The following MRPS28 variants were observed in gnomAD, a reference collection of about 807,000 sequenced individuals.
MRPS28 encodes small ribosomal subunit protein bS1m.
In MRPS28, 7 loss-of-function variants were observed where a neutral mutation model predicts 10.8. The ratio of observed to expected loss-of-function variants is 0.65; its 90% confidence interval spans 0.37 to 1.22. The LOEUF is 1.22. MRPS28 is among the 50% of genes most tolerant of loss of function. MRPS28 has a pLI of 0.02. For synonymous variants in MRPS28, 121 were observed against 93.3 expected, an observed-to-expected ratio of 1.30 and a Z score of -1.71; for missense variants, 265 against 232.9, an observed-to-expected ratio of 1.14 and a Z score of -0.90.
intron 2 of MRPS28, among the ~76,000 whole-genome samples, chr8:79,940,568 G>C (rs1806740360): frequency 2.0e-5 from 3 of 152,196 alleles, no homozygotes; most frequent in Non-Finnish European, 4.4e-5. Flanking sequence ...CTATACAGCA[G>C]AATCTTTCTT....
chr8:80,022,969 A>C (rs906957145), intron 1 of MRPS28, among the ~76,000 whole-genome samples: 13 of 152,208 alleles, frequency 8.5e-5, no homozygotes, highest in African/African-American at 2.9e-4. Flanking sequence ...GAACATATAC[A>C]TCTTTTCTTT....
At chr8:79,921,858 G>A (rs1810103831) in intron 2 of MRPS28, among the ~76,000 whole-genome samples, 1 of 152,180 alleles carries the variant, frequency 6.6e-6, no homozygotes, top group Non-Finnish European at 1.5e-5. Context: ...CCTGTCTTGT[G>A]CCACTTTTCA....
At chr8:79,945,846 T>C (rs1806900414) in intron 2 of MRPS28, among the ~76,000 whole-genome samples, 1 of 152,106 alleles carries the variant, frequency 6.6e-6, no homozygotes, top group Non-Finnish European at 1.5e-5. Context: ...CTGTGCAAAT[T>C]AGGATAAAAA....
chr8:79,974,402 T>G (rs1037723823), intron 2 of MRPS28, among the ~76,000 whole-genome samples: 1 of 151,400 alleles, frequency 6.6e-6, no homozygotes, highest in Non-Finnish European at 1.5e-5. Context: ...TAGCCAGGCG[T>G]GGTGGTGGGC....
intron 2 of MRPS28, among the ~76,000 whole-genome samples, chr8:79,995,248 C>T (rs1808471212): frequency 6.6e-6 from 1 of 152,038 alleles, no homozygotes; most frequent in Non-Finnish European, 1.5e-5. Flanking sequence ...TCTTATCATG[C>T]CCAGTTCATT....
At chr8:79,982,005 G>T (rs182942086) in intron 2 of MRPS28, among the ~76,000 whole-genome samples, 9 of 152,288 alleles carry the variant, frequency 5.9e-5, no homozygotes, top group South Asian at 4.1e-4. Flanking sequence ...CAGCACTTTG[G>T]GGGGGCCAAG....
intron 2 of MRPS28, among the ~76,000 whole-genome samples, chr8:79,960,128 C>T (rs1807335810): frequency 6.6e-6 from 1 of 152,246 alleles, no homozygotes; most frequent in Middle Eastern, 3.4e-3. Context: ...TGAATCACTA[C>T]AGAAATCCTG....
At chr8:79,938,412 G>A (rs1009306708) in intron 2 of MRPS28, among the ~76,000 whole-genome samples, 7 of 139,326 alleles carry the variant, frequency 5.0e-5, no homozygotes, top group Non-Finnish European at 1.1e-4. Flanking sequence ...TGTTCTCTCT[G>A]ATTGTGGGCT....
At chr8:80,019,043 G>A (rs950721478) in intron 1 of MRPS28, among the ~76,000 whole-genome samples, 10 of 151,948 alleles carry the variant, frequency 6.6e-5, no homozygotes, top group Non-Finnish European at 1.3e-4. Flanking sequence ...TCCCCTATAT[G>A]TGATATAGTA....
At chr8:79,946,220 C>A (rs1806914649) in intron 2 of MRPS28, among the ~76,000 whole-genome samples, 1 of 152,138 alleles carries the variant, frequency 6.6e-6, no homozygotes, top group African/African-American at 2.4e-5. Flanking sequence ...ATCAAAATGT[C>A]CCATCTTGAC....
At chr8:79,970,949 A>G (rs1326908071) in intron 2 of MRPS28, among the ~76,000 whole-genome samples, 2 of 152,232 alleles carry the variant, frequency 1.3e-5, no homozygotes, top group African/African-American at 4.8e-5. Context: ...CTAAGAAATT[A>G]GGTGAATTGC....
chr8:79,945,438 T>C (rs538543671), intron 2 of MRPS28, among the ~76,000 whole-genome samples: 7 of 152,264 alleles, frequency 4.6e-5, no homozygotes, highest in Admixed American at 2.6e-4. Flanking sequence ...ACAAATCACA[T>C]TGGGAAAACT....
chr8:79,988,901 C>G (rs1808273693), intron 2 of MRPS28, among the ~76,000 whole-genome samples: 3 of 152,102 alleles, frequency 2.0e-5, no homozygotes, highest in Admixed American at 6.5e-5. Context: ...CATTTTTACC[C>G]TCTAAAATTG....
intron 2 of MRPS28, among the ~76,000 whole-genome samples, chr8:79,981,668 G>C (rs1586074504): frequency 6.6e-6 from 1 of 152,144 alleles, no homozygotes; most frequent in Non-Finnish European, 1.5e-5. Flanking sequence ...AATATATTTT[G>C]GAAGCCGAGT....
chr8:79,951,240 C>T (rs1372718819), intron 2 of MRPS28, among the ~76,000 whole-genome samples: 1 of 152,184 alleles, frequency 6.6e-6, no homozygotes, highest in Admixed American at 6.5e-5. Flanking sequence ...TCTAGGCTCA[C>T]ACACGGTCCC....
intron 1 of MRPS28, among the ~76,000 whole-genome samples, chr8:80,008,130 C>G (rs927060799): frequency 2.0e-5 from 3 of 152,192 alleles, no homozygotes; most frequent in Non-Finnish European, 4.4e-5. Flanking sequence ...GTATCTACAA[C>G]TATCTGATCT....
intron 2 of MRPS28, among the ~76,000 whole-genome samples, chr8:79,920,353 G>C (rs931179328): frequency 2.5e-4 from 38 of 152,098 alleles, no homozygotes; most frequent in Non-Finnish European, 4.7e-4. Flanking sequence ...CTAGATCCTT[G>C]AGGAATTGCC....
At chr8:79,926,697 G>C (rs1810242505) in intron 2 of MRPS28, among the ~76,000 whole-genome samples, 1 of 152,226 alleles carries the variant, frequency 6.6e-6, no homozygotes, top group Non-Finnish European at 1.5e-5. Flanking sequence ...ATTTGGGGCA[G>C]AGGGAGGGGA....
chr8:79,969,121 TA>T (rs1807569640), intron 2 of MRPS28, among the ~76,000 whole-genome samples: 1 of 152,242 alleles, frequency 6.6e-6, no homozygotes, highest in African/African-American at 2.4e-5. Context: ...TGAACAAGTC[TA>T]TTATATTAAG....
Sources: allele counts gnomAD v4.1 joint callset (sites outside exome capture counted in the v4.1 genomes callset), GRCh38; gene constraint gnomAD v4.1.1; transcripts MANE v1.5; gene names NCBI Gene and HGNC (gene_info 2026-07-23, HGNC 2026-07-21).